The following MYOM1 variants were observed in gnomAD, a reference collection of about 807,000 sequenced individuals.
MYOM1 encodes myomesin 1.
In MYOM1, 164 loss-of-function variants were observed where a neutral mutation model predicts 205.3. The ratio of observed to expected loss-of-function variants is 0.80; its 90% CI spans 0.70 to 0.91. The LOEUF is 0.91. MYOM1 is among the 40% of genes least tolerant of loss of function. The pLI, the probability that MYOM1 is intolerant of heterozygous loss-of-function variation, is 0.00. For missense variants in MYOM1, 2,011 were observed against 2,127.3 expected, an observed-to-expected ratio of 0.95 and a Z score of 1.08; for synonymous variants, 772 against 789.4, an observed-to-expected ratio of 0.98 and a Z score of 0.37.
At chr18:3,191,303 G>A (rs2144160970) in intron 3 of MYOM1, among the ~76,000 whole-genome samples, 1 of 152,296 alleles carries the variant, frequency 6.6e-6, no homozygotes, top group Non-Finnish European at 1.5e-5. Flanking sequence ...GTATTTTCCA[G>A]AAGCACACTG....
chr18:3,198,198 T>C (rs1414809501), intron 2 of MYOM1, among the ~76,000 whole-genome samples: 1 of 152,206 alleles, frequency 6.6e-6, no homozygotes, highest in Admixed American at 6.5e-5. Context: ...TATTCATGCT[T>C]ATGGGAAGTA....
chr18:3,215,246 G>T lies in MYOM1; in HGVS notation c.-23C>A, dbSNP rs376379572. ...CATCCTGTGCCCCTTGAAGGAACCGGGCCACCTGAAGGAAAACAACACTTT... is the reference window on the plus strand; with the variant it reads ...CATCCTGTGCCCCTTGAAGGAACCGTGCCACCTGAAGGAAAACAACACTTT... On this transcript the variant is annotated 5_prime_UTR_variant, in exon 2 of 38. Transcript: ENST00000356443. 30 of 1,583,142 alleles carry T rather than the reference G, an allele frequency of 1.9e-5. No homozygotes were observed. The highest frequency in any genetic ancestry group is 2.5e-5 in the Non-Finnish European group (29 of 1,162,268).
At chr18:3,104,156 G>T (rs368845564) in intron 22 of MYOM1, among the ~76,000 whole-genome samples, 28 of 152,038 alleles carry the variant, frequency 1.8e-4, no homozygotes, top group Non-Finnish European at 3.4e-4. Flanking sequence ...CTCTATTTTC[G>T]TATAATAAAT....
At chr18:3,095,048 T>C (rs2079282745) in intron 25 of MYOM1, among the ~76,000 whole-genome samples, 1 of 152,314 alleles carries the variant, frequency 6.6e-6, no homozygotes, top group East Asian at 1.9e-4. Context: ...AACTACCCTT[T>C]TCAAGTTTCA....
At position 3,168,978 on chromosome 18, in the gene MYOM1, C is replaced by T. The variant is rs1489350847; in HGVS notation, c.1178G>A (p.Gly393Asp). The T allele has an allele frequency of 5.0e-6, 8 of 1,608,816 alleles. No individual in the cohort carries two copies. Among genetic ancestry groups the T allele is most frequent in the Middle Eastern group, 3.3e-4 (2 of 6,054 alleles). ...AGASTMPLSF[G>D]VTPYGYASRF... is the part of the protein sequence containing the mutation. The stretch of plus-strand genomic sequence containing the variant: ...GGATGCATAACCATATGGGGTCACA[C>T]CAACTGGGTACAAAAATAACAAATA... Residue 393 changes from glycine (G) to aspartate (D), a missense_variant, in exon 9 of 38, where the codon GGT becomes GAT. Physicochemically the swap from Gly to Asp is moderately conservative, Grantham distance 94 (BLOSUM62 -1). Transcript: ENST00000356443.
chr18:3,126,107 A>G (rs1026486611), intron 19 of MYOM1, among the ~76,000 whole-genome samples: 1 of 152,118 alleles, frequency 6.6e-6, no homozygotes, highest in Non-Finnish European at 1.5e-5. Context: ...TCTACTAAAA[A>G]TAGAAAATTT....
chr18:3,080,694 C>T (rs1598651183), intron 33 of MYOM1, among the ~76,000 whole-genome samples: 1 of 151,252 alleles, frequency 6.6e-6, no homozygotes, highest in African/African-American at 2.4e-5. Flanking sequence ...AAATTTCCTA[C>T]CTAAAAGCTT....
the MYOM1 span, among the ~76,000 whole-genome samples, chr18:3,225,432 G>A: frequency 6.6e-6 from 1 of 152,176 alleles, no homozygotes; most frequent in African/African-American, 2.4e-5. Context: ...TTGTTAAGGT[G>A]CACCTGCCCC....
intron 36 of MYOM1, among the ~76,000 whole-genome samples, chr18:3,075,065 G>A (rs2079006557): frequency 6.6e-6 from 1 of 152,198 alleles, no homozygotes; most frequent in Admixed American, 6.5e-5. Flanking sequence ...AAAGTGCTAG[G>A]ATTGCAGGCG....
At chr18:3,151,652 A>G in intron 12 of MYOM1, 42 bp downstream of exon 12, 1 of 1,526,132 alleles carries the variant, frequency 6.6e-7, no homozygotes. Flanking sequence ...CAGTCATTTT[A>G]AAAAGGTTTA....
chr18:3,214,936 A>T lies in MYOM1; in HGVS notation c.288T>A (p.His96Gln). 6.3e-7 allele frequency: 1 copy of T among 1,594,022 alleles called. No individual in the cohort carries two copies. The highest frequency in any genetic ancestry group is 8.6e-7 in the Non-Finnish European group (1 of 1,168,082). ...AASAYDYGSS[H>Q]GLTDSSLLLD... The stretch of plus-strand genomic sequence containing the variant: ...TTGGAGGAGGGCGTCCGACATACCC[A>T]TGGGAGGAGCCATAATCGTAGGCTG... The change falls in exon 2 of 38, where the codon CAT (histidine) becomes CAA (glutamine). Residue 96 changes from histidine (H) to glutamine (Q), a missense_variant and splice_region_variant. Transcript: ENST00000356443.
At chr18:3,149,236 T>A in intron 12 of MYOM1, 35 bp from the exon 13 acceptor site, 2 of 1,578,532 alleles carry the variant, frequency 1.3e-6, no homozygotes, top group Non-Finnish European at 1.7e-6. Context: ...CACAAACGTT[T>A]ACAAGTGTGC....
At chr18:3,246,066 A>G in the MYOM1 span, 16,338 of 152,362 alleles carry the variant, frequency 0.11, 2,890 homozygotes, top group African/African-American at 0.37. Context: ...AGGAAGACAA[A>G]ACAATTACCT....
rs1454711608 is a variant in MYOM1 at position 3,098,748 on chromosome 18, T to G, written c.3727+1411A>C. Among the ~76,000 whole-genome samples the G allele has an allele frequency of 1.3e-5, 2 of 152,230 alleles. 1 individual carries two copies. The highest frequency in any genetic ancestry group is 2.9e-5 in the Non-Finnish European group (2 of 68,030). ...ACACTTTGCAATACACTTTAGTACT[T>G]TCCATAAACTTTTTCAAAATTAACA... is the stretch of plus-strand genomic sequence containing the variant. On this transcript the variant is annotated intron_variant, in intron 25 of 37. Coordinates refer to ENST00000356443, the MANE Select transcript of MYOM1 (RefSeq NM_003803.4).
chr18:3,144,212 C>G (rs934397244), intron 13 of MYOM1, among the ~76,000 whole-genome samples: 2 of 151,688 alleles, frequency 1.3e-5, no homozygotes, highest in Middle Eastern at 3.4e-3. Flanking sequence ...TCTCAAAAAA[C>G]AAACAAAAAA....
chr18:3,197,163 G>A lies in MYOM1; in HGVS notation c.291-3205C>T, dbSNP rs528592975. Among the ~76,000 whole-genome samples, 3 of 145,820 alleles carry A rather than the reference G, an allele frequency of 2.1e-5. No individual in the cohort carries two copies. In the South Asian group the frequency reaches 6.5e-4, roughly 32 times the overall value. On this transcript the variant is annotated intron_variant, in intron 2 of 37. Coordinates refer to ENST00000356443, the MANE Select transcript of MYOM1 (RefSeq NM_003803.4). ...TTTTTTTTTTTTTTTTTGAGACGGA[G>A]TCTCACTCTGTCACCCAGGCTGGAG...
chr18:3,184,662 T>C (rs188698176), intron 5 of MYOM1, among the ~76,000 whole-genome samples: 1 of 152,352 alleles, frequency 6.6e-6, no homozygotes, highest in Non-Finnish European at 1.5e-5. Context: ...TGTTCGTTTG[T>C]TTTAATATTT....
chr18:3,231,534 CTTTTTTTTTTTTT>C, the MYOM1 span, among the ~76,000 whole-genome samples: 2 of 120,220 alleles, frequency 1.7e-5, no homozygotes, highest in Admixed American at 8.7e-5. Context: ...AATATGCATC[CTTTTTTTTTTTTT>C]TTTTTTTTTT....
chr18:3,125,375 T>C (rs916827309), intron 19 of MYOM1, among the ~76,000 whole-genome samples: 1 of 152,188 alleles, frequency 6.6e-6, no homozygotes, highest in African/African-American at 2.4e-5. Flanking sequence ...TATATTGTGA[T>C]ATGACCACAT....
Sources: allele counts gnomAD v4.1 joint callset (sites outside exome capture counted in the v4.1 genomes callset), GRCh38; gene constraint gnomAD v4.1.1; transcripts MANE v1.5; gene names NCBI Gene and HGNC (gene_info 2026-07-23, HGNC 2026-07-21).